The following ZSCAN5C variants were observed in gnomAD, a reference collection of about 807,000 sequenced individuals.
ZSCAN5C encodes zinc finger and SCAN domain containing 5C, also known as zinc finger and SCAN domain-containing protein 5C.
ZSCAN5C carries 11 observed loss-of-function variants against 17.3 expected under a neutral mutation model. The ratio of observed to expected loss-of-function variants is 0.64; its 90% CI spans 0.40 to 1.06. The LOEUF (loss-of-function observed/expected upper bound fraction) is 1.06. Among genes scored for constraint, ZSCAN5C ranks in the 50% least tolerant of loss-of-function variants. ZSCAN5C has a pLI of 0.00. For missense variants in ZSCAN5C, 698 were observed against 538.9 expected (o/e 1.30, Z -2.92); for synonymous variants, 229 against 208.4 (o/e 1.10, Z -0.85).
downstream of ZSCAN5C, chr19:56,209,400 G>T: frequency 4.1e-6 from 2 of 491,306 alleles, no homozygotes; most frequent in East Asian, 3.2e-5. Context: ...TATTGTTTTA[G>T]GTTTATTTTG....
chr19:56,209,289 G>A, downstream of ZSCAN5C: 1 of 602,486 alleles, frequency 1.7e-6, no homozygotes, highest in Non-Finnish European at 3.0e-6. Context: ...CAGATGAAGG[G>A]CGCCTGGCAC....
chr19:56,209,257 G>T (rs576861205), downstream of ZSCAN5C: 4 of 624,838 alleles, frequency 6.4e-6, no homozygotes, highest in African/African-American at 3.7e-5. Flanking sequence ...ATTTTTCACC[G>T]ATGTTGTCAG....
At chr19:56,206,353 T>C (rs9917095) in intron 2 of ZSCAN5C, 56 bp downstream of exon 2, 285,706 of 1,183,590 alleles carry the variant, frequency 0.24, 64,313 homozygotes, top group East Asian at 0.61. Context: ...GGGGGCTGCA[T>C]GGTGCAGCTG....
chr19:56,207,662 C>T (rs991372639), intron 3 of ZSCAN5C, among the ~76,000 whole-genome samples: 2 of 151,796 alleles, frequency 1.3e-5, no homozygotes, highest in Non-Finnish European at 2.9e-5. Flanking sequence ...GGTGATTCTG[C>T]CTTTCCGGAC....
In ZSCAN5C at chr19:56,208,064, G is replaced by A. The variant is rs774808535; in HGVS notation, c.619G>A (p.Val207Ile). Reference sequence around the variant, plus strand: ...GGACTTCCTGCTGCCAGAGACTACTGTCATGAAAGGTGACCCAAAGGCTCT... The same window carrying A: ...GGACTTCCTGCTGCCAGAGACTACTATCATGAAAGGTGACCCAAAGGCTCT... The change falls in exon 4 of 5, where the codon GTC becomes ATC. Residue 207 changes from valine (V) to isoleucine (I), a missense_variant. Around this residue, in one of 3 missense-constraint regions of ZSCAN5C, gnomAD observed 554 missense variants for 390.5 expected, o/e 1.42. Transcript: ENST00000534327. The A allele has an allele frequency of 2.9e-5, 22 of 754,726 alleles. No homozygotes were observed. The East Asian group carries it at 5.4e-4, about 18-fold the overall frequency. The allele number at this position is 754,726 out of a possible 1,614,324, so 46.8% of individuals were successfully genotyped here.
intron 1 of ZSCAN5C, among the ~76,000 whole-genome samples, chr19:56,204,415 C>T (rs1271539911): frequency 1.3e-5 from 2 of 151,498 alleles, no homozygotes; most frequent in Non-Finnish European, 1.5e-5. Flanking sequence ...CTCTAGCAGG[C>T]GTGAGGGGTG....
chr19:56,206,137 C>T (rs1257172079), exon 2 of ZSCAN5C: 2 of 1,603,906 alleles, frequency 1.2e-6, no homozygotes, highest in African/African-American at 1.4e-5. Flanking sequence ...TGGCTGAGGC[C>T]CGACCTCCAC....
At chr19:56,202,899 G>C (rs950712067) in intron 1 of ZSCAN5C, among the ~76,000 whole-genome samples, 3 of 151,936 alleles carry the variant, frequency 2.0e-5, no homozygotes, top group Non-Finnish European at 4.4e-5. Context: ...CCTTTCCACA[G>C]GGTAAAATCA....
rs1225363133 is a variant in ZSCAN5C, at chr19:56,206,207, G to C, written c.294G>C (p.Gln98His). 6 of 1,585,086 alleles carry C rather than the reference G, an allele frequency of 3.8e-6. No individual in the cohort carries two copies. In the East Asian group the frequency reaches 1.4e-4, roughly 36 times the overall value. ...AGCAGTTCATGATCTCCATGCCCCAGGAGCTCCAGGTCTTAGTCATGATGA... is the reference window on the plus strand; with the variant it reads ...AGCAGTTCATGATCTCCATGCCCCACGAGCTCCAGGTCTTAGTCATGATGA... Residue 98 changes from glutamine to histidine, a missense_variant, in exon 2 of 5, where the codon CAG becomes CAC. Coordinates refer to ENST00000534327, the Ensembl canonical transcript of ZSCAN5C.
chr19:56,208,118 C>T (rs1321141914), exon 4 of ZSCAN5C: 1 of 778,084 alleles, frequency 1.3e-6, no homozygotes, highest in African/African-American at 1.7e-5. Flanking sequence ...GGAGAAGGAC[C>T]TGGAGGAAGA....
exon 5 of ZSCAN5C, chr19:56,208,632 C>G (rs998844033): frequency 2.4e-5 from 38 of 1,610,070 alleles, no homozygotes; most frequent in Non-Finnish European, 3.0e-5. Context: ...ACCTCCATTT[C>G]CCAAGAAGAG....
chr19:56,204,380 C>T (rs2032899975), intron 1 of ZSCAN5C, among the ~76,000 whole-genome samples: 2 of 151,488 alleles, frequency 1.3e-5, no homozygotes, highest in Non-Finnish European at 2.9e-5. Context: ...AACACTCGTT[C>T]CATGTGTCTT....
At chr19:56,207,711 G>A (rs1399839942) in intron 3 of ZSCAN5C, among the ~76,000 whole-genome samples, 1 of 151,842 alleles carries the variant, frequency 6.6e-6, no homozygotes, top group Non-Finnish European at 1.5e-5. Context: ...TGTCATTGTA[G>A]GGGGTGGTGG....
chr19:56,204,152 A>C (rs1483265103), intron 1 of ZSCAN5C, among the ~76,000 whole-genome samples: 2 of 151,746 alleles, frequency 1.3e-5, no homozygotes, highest in South Asian at 4.2e-4. Context: ...GTAGTTTTTC[A>C]ACCCTCCCTC....
At chr19:56,203,979 C>T (rs1266307279) in intron 1 of ZSCAN5C, among the ~76,000 whole-genome samples, 1 of 151,786 alleles carries the variant, frequency 6.6e-6, no homozygotes, top group Non-Finnish European at 1.5e-5. Context: ...TTATTGTTTA[C>T]ATTACCTACT....
chr19:56,204,145 G>C (rs1195174806), intron 1 of ZSCAN5C, among the ~76,000 whole-genome samples: 1 of 151,786 alleles, frequency 6.6e-6, no homozygotes, highest in African/African-American at 2.4e-5. Context: ...CCAATAGGTA[G>C]TTTTTCAACC....
At chr19:56,203,522 G>A (rs1750298714) in intron 1 of ZSCAN5C, among the ~76,000 whole-genome samples, 1 of 151,364 alleles carries the variant, frequency 6.6e-6, no homozygotes, top group Non-Finnish European at 1.5e-5. Flanking sequence ...TTGGACAATT[G>A]CTCTCTTGAA....
At chr19:56,208,948 G>C (rs756658596) in exon 5 of ZSCAN5C, 45 of 1,613,472 alleles carry the variant, frequency 2.8e-5, no homozygotes, top group Middle Eastern at 3.3e-4. Context: ...GGCCCTACAC[G>C]TGTGACATCT....
rs2032882953 is a variant in ZSCAN5C at position 56,202,515 on chromosome 19, T to C, written c.-128+193T>C. Among the ~76,000 whole-genome samples, 8 of 152,066 alleles carry C rather than the reference T, an allele frequency of 5.3e-5. No individual in the cohort carries two copies. The South Asian group carries it at 1.7e-3, about 32-fold the overall frequency. On this transcript the variant is annotated intron_variant, in intron 1 of 4. Coordinates refer to ENST00000534327, the Ensembl canonical transcript of ZSCAN5C. The stretch of plus-strand genomic sequence containing the variant: ...GGCAGTGGGTCTGCTTTGCACCCTA[T>C]TATTTATTCTGACTTGTTATATAAC...
Sources: allele counts gnomAD v4.1 joint callset (sites outside exome capture counted in the v4.1 genomes callset), GRCh38; gene constraint gnomAD v4.1.1; regional missense constraint gnomAD v4.1.1; transcripts MANE v1.5; gene names NCBI Gene and HGNC (gene_info 2026-07-23, HGNC 2026-07-21).